OSBPL6: variants seen among roughly 807,000 people sequenced by gnomAD.
OSBPL6 encodes oxysterol binding protein like 6.
Under a neutral mutation model 125.8 loss-of-function variants are expected in OSBPL6, and 49 were observed. The ratio of observed to expected loss-of-function variants is 0.39; its 90% CI spans 0.31 to 0.49. The LOEUF is 0.49. OSBPL6 is among the 20% of genes least tolerant of loss of function. The pLI is 0.88. For missense variants in OSBPL6, 986 were observed against 1,135.4 expected (o/e 0.87, Z 1.89); for synonymous variants, 394 against 391.8 (o/e 1.01, Z -0.07).
At chr2:178,254,771 G>A (rs2091825130) in intron 1 of OSBPL6, among the ~76,000 whole-genome samples, 1 of 152,198 alleles carries the variant, frequency 6.6e-6, no homozygotes, top group African/African-American at 2.4e-5. Context: ...CGAAGTGACT[G>A]TGAAAAGTTC....
intron 1 of OSBPL6, among the ~76,000 whole-genome samples, chr2:178,282,562 T>C (rs1684307123): frequency 6.6e-6 from 1 of 152,222 alleles, no homozygotes; most frequent in African/African-American, 2.4e-5. Flanking sequence ...CTTTTCTTTT[T>C]CCTCTTTATC....
chr2:178,289,328 C>G (rs747388508), intron 2 of OSBPL6, among the ~76,000 whole-genome samples: 1 of 152,022 alleles, frequency 6.6e-6, no homozygotes, highest in Non-Finnish European at 1.5e-5. Flanking sequence ...TTTTTGTTTT[C>G]TATATTTTAA....
At chr2:178,261,270 T>C (rs964649995) in intron 1 of OSBPL6, among the ~76,000 whole-genome samples, 1 of 152,088 alleles carries the variant, frequency 6.6e-6, no homozygotes, top group Admixed American at 6.6e-5. Context: ...TGAGGAATTC[T>C]TGATTGGGAG....
intron 1 of OSBPL6, among the ~76,000 whole-genome samples, chr2:178,207,026 C>T (rs896913917): frequency 6.6e-6 from 1 of 152,174 alleles, no homozygotes; most frequent in Non-Finnish European, 1.5e-5. Flanking sequence ...ACCTCAGCCT[C>T]CCAAAGTGCT....
chr2:178,373,167 C>G (rs1693559161), intron 14 of OSBPL6, among the ~76,000 whole-genome samples: 1 of 152,202 alleles, frequency 6.6e-6, no homozygotes, highest in African/African-American at 2.4e-5. Flanking sequence ...AATCCATTCA[C>G]CTCCATGGGC....
At chr2:178,291,706 T>TTCCTTCC (rs1685284528) in intron 2 of OSBPL6, among the ~76,000 whole-genome samples, 2 of 58,216 alleles carry the variant, frequency 3.4e-5, no homozygotes, top group African/African-American at 1.0e-4. Context: ...TCCTTCCTTC[T>TTCCTTCC]TTCCTCCCTC....
At position 178,204,155 on chromosome 2, in the gene OSBPL6, T is replaced by G. The variant is rs527923407; in HGVS notation, c.-351+9481T>G. 9.9e-5 allele frequency among the ~76,000 whole-genome samples: 15 copies of G among 151,990 alleles called. No homozygotes were observed. In the South Asian group the frequency reaches 3.1e-3, roughly 32 times the overall value. ...TCTCATGCCTTGGCCCCCCGAGTAG[T>G]TGGGACTACGGGTGCATGCCACCAC... On this transcript the variant is annotated intron_variant, in intron 1 of 24. Transcript: ENST00000190611.
chr2:178,225,522 C>A (rs1338752279), intron 1 of OSBPL6, among the ~76,000 whole-genome samples: 1 of 152,144 alleles, frequency 6.6e-6, no homozygotes, highest in Non-Finnish European at 1.5e-5. Context: ...TCTGTAGTTA[C>A]AGAAAACCGT....
chr2:178,348,276 T>C (rs77137787), intron 11 of OSBPL6, among the ~76,000 whole-genome samples: 1 of 152,198 alleles, frequency 6.6e-6, no homozygotes, highest in Admixed American at 6.5e-5. Context: ...TTTCAACTTG[T>C]GGTGGAGTCT....
At chr2:178,202,465 A>G (rs2089303867) in intron 1 of OSBPL6, among the ~76,000 whole-genome samples, 1 of 152,166 alleles carries the variant, frequency 6.6e-6, no homozygotes, top group South Asian at 2.1e-4. Flanking sequence ...CATTGTTTTC[A>G]GTGAGAAATC....
At chr2:178,272,050 T>G (rs2154025269) in intron 1 of OSBPL6, among the ~76,000 whole-genome samples, 1 of 152,356 alleles carries the variant, frequency 6.6e-6, no homozygotes, top group East Asian at 1.9e-4. Context: ...TAACAGGTTT[T>G]GAACTGAATA....
chr2:178,334,859 C>T (rs1216281594), intron 8 of OSBPL6, among the ~76,000 whole-genome samples: 1 of 152,132 alleles, frequency 6.6e-6, no homozygotes, highest in Non-Finnish European at 1.5e-5. Flanking sequence ...TGCAGCCTTG[C>T]CAAGGACTAT....
At chr2:178,316,914 A>C (rs1687784657) in intron 3 of OSBPL6, among the ~76,000 whole-genome samples, 1 of 152,202 alleles carries the variant, frequency 6.6e-6, no homozygotes. Flanking sequence ...AAAAACAAAC[A>C]AACAAAAAGG....
intron 16 of OSBPL6, 41 bp downstream of exon 16, chr2:178,382,548 C>T (rs1256321267): frequency 6.2e-7 from 1 of 1,612,900 alleles, no homozygotes; most frequent in East Asian, 2.2e-5. Flanking sequence ...TATCTACATG[C>T]CAAATTGCAA....
Position 178,352,561 on chromosome 2 carries a change from A to G in OSBPL6, c.1153+3172A>G, listed in dbSNP as rs930848965. Among the ~76,000 whole-genome samples the G allele has an allele frequency of 2.6e-5, 4 of 152,292 alleles. No individual in the cohort carries two copies. The South Asian group carries it at 6.2e-4, about 24-fold the overall frequency. The stretch of plus-strand genomic sequence containing the variant: ...GGGGCATCCACCATTGCTGAGGCTC[A>G]AGTAGGTAAACAAAGCAGTCAGGAA... On this transcript the variant is annotated intron_variant, in intron 12 of 24. Coordinates refer to ENST00000190611, the MANE Select transcript of OSBPL6 (RefSeq NM_032523.4).
chr2:178,377,356 A>G (rs1011524455), intron 15 of OSBPL6, among the ~76,000 whole-genome samples: 4 of 152,246 alleles, frequency 2.6e-5, no homozygotes, highest in African/African-American at 9.6e-5. Flanking sequence ...TCAGGAAGAC[A>G]GTACCAAAGG....
chr2:178,383,229 C>T lies in OSBPL6; in HGVS notation c.1827C>T (p.Ser609=), dbSNP rs368005918. The change falls in exon 17 of 25, where the codon AGC becomes AGT. Residue 609 remains serine, a synonymous_variant. Transcript: ENST00000190611. ...LQHLCEEMEY[S]ELLDKASETD... Reference sequence around the variant, plus strand: ...ACCTCTGTGAGGAAATGGAATACAGCGAGCTCCTGGACAAGGCTTCGGAAA... The same window carrying T: ...ACCTCTGTGAGGAAATGGAATACAGTGAGCTCCTGGACAAGGCTTCGGAAA... The T allele has an allele frequency of 6.2e-6, 10 of 1,614,170 alleles. 1 individual carries two copies. Among genetic ancestry groups the T allele is most frequent in the African/African-American group, 2.7e-5 (2 of 75,046 alleles).
At chr2:178,202,683 G>A (rs1442983333) in intron 1 of OSBPL6, among the ~76,000 whole-genome samples, 2 of 152,010 alleles carry the variant, frequency 1.3e-5, no homozygotes, top group African/African-American at 4.8e-5. Context: ...TTGGCCGGGC[G>A]TGGTGGTGGG....
intron 13 of OSBPL6, among the ~76,000 whole-genome samples, chr2:178,365,282 G>A (rs1361547205): frequency 6.6e-6 from 1 of 152,180 alleles, no homozygotes; most frequent in East Asian, 1.9e-4. Context: ...TTAAAGTGCT[G>A]CATTTCAACA....
Sources: allele counts gnomAD v4.1 joint callset (sites outside exome capture counted in the v4.1 genomes callset), GRCh38; gene constraint gnomAD v4.1.1; transcripts MANE v1.5; gene names NCBI Gene and HGNC (gene_info 2026-07-23, HGNC 2026-07-21).